Variants in OXR1 observed in about 807,000 individuals in gnomAD.
OXR1 encodes the protein oxidation resistance protein 1.
Under a neutral mutation model 104.6 loss-of-function variants are expected in OXR1, and 41 were observed. That is an observed-to-expected ratio of 0.39 (90% CI 0.31 to 0.51). OXR1 has a LOEUF of 0.51. OXR1 is among the 20% of genes least tolerant of loss of function. The pLI, the probability that OXR1 is intolerant of heterozygous loss-of-function variation, is 0.77. For missense variants in OXR1, 955 were observed against 1,031.9 expected (o/e 0.93, Z 1.02); for synonymous variants, 348 against 348.4 (o/e 1.00, Z 0.01).
At chr8:106,684,174 T>A in intron 5 of OXR1, 72 bp from the exon 6 acceptor site, 1 of 715,994 alleles carries the variant, frequency 1.4e-6, no homozygotes, top group Middle Eastern at 2.5e-4. Context: ...TTAATAGTGC[T>A]TGCTTATAGA....
At chr8:106,593,209 G>T (rs1397845897) in intron 3 of OXR1, among the ~76,000 whole-genome samples, 1 of 152,080 alleles carries the variant, frequency 6.6e-6, no homozygotes, top group African/African-American at 2.4e-5. Context: ...GAGATCAAGG[G>T]CTAGGACTTT....
At chr8:106,403,275 G>A (rs1379944050) in intron 2 of OXR1, among the ~76,000 whole-genome samples, 2 of 152,186 alleles carry the variant, frequency 1.3e-5, no homozygotes, top group Admixed American at 6.5e-5. Context: ...AATACCACAG[G>A]TCTACAAGAC....
Position 106,303,419 on chromosome 8 carries a change from T to C in OXR1, c.-139+33052T>C, listed in dbSNP as rs559910448. On this transcript the variant is annotated intron_variant, in intron 1 of 16. Transcript: ENST00000517566. ...ACGCCCGGCTAATTTTTTGTATTTT[T>C]AGTAGAGACGGGGTTTCACTGTGTT... Among the ~76,000 whole-genome samples, 46 of 151,288 alleles carry C rather than the reference T, an allele frequency of 3.0e-4. No individual in the cohort carries two copies. In the South Asian group the frequency reaches 9.0e-3, roughly 30 times the overall value.
intron 7 of OXR1, among the ~76,000 whole-genome samples, chr8:106,695,635 G>T (rs1198892470): frequency 6.6e-6 from 1 of 152,004 alleles, no homozygotes; most frequent in African/African-American, 2.4e-5. Flanking sequence ...GGCCAGGCTG[G>T]TCTCGAACTG....
At chr8:106,427,810 G>A (rs7015711) in intron 2 of OXR1, among the ~76,000 whole-genome samples, 80,524 of 151,958 alleles carry the variant, frequency 0.53, 24,416 homozygotes, top group African/African-American at 0.83. Flanking sequence ...ATAAACAGTC[G>A]GACACCTGGG....
chr8:106,554,351 G>A (rs544030229), intron 3 of OXR1, among the ~76,000 whole-genome samples: 27 of 152,034 alleles, frequency 1.8e-4, no homozygotes, highest in Non-Finnish European at 3.1e-4. Flanking sequence ...GTTTTTTTCC[G>A]CAAGGGATTT....
At chr8:106,328,530 G>A (rs988470083) in intron 1 of OXR1, among the ~76,000 whole-genome samples, 2 of 152,076 alleles carry the variant, frequency 1.3e-5, no homozygotes, top group South Asian at 2.1e-4. Context: ...AAGCAAAGGC[G>A]GTCCTGCTGT....
chr8:106,309,579 T>C (rs1813611662), intron 1 of OXR1, among the ~76,000 whole-genome samples: 1 of 151,924 alleles, frequency 6.6e-6, no homozygotes. Flanking sequence ...TATTGAAGAC[T>C]TTTCTGCCTG....
chr8:106,475,257 A>G (rs183069514), intron 2 of OXR1, among the ~76,000 whole-genome samples: 134 of 152,088 alleles, frequency 8.8e-4, no homozygotes, highest in African/African-American at 3.1e-3. Context: ...TTTGTACATT[A>G]TATGTATTAT....
At chr8:106,707,539 G>A (rs1370774048) in intron 9 of OXR1, 1 of 316,070 alleles carries the variant, frequency 3.2e-6, no homozygotes, top group Non-Finnish European at 5.7e-6. Context: ...AATTGCCAAA[G>A]TTGTAATCCC....
chr8:106,709,751 A>G (rs1587187817), intron 9 of OXR1, among the ~76,000 whole-genome samples: 1 of 148,652 alleles, frequency 6.7e-6, no homozygotes, highest in East Asian at 1.9e-4. Context: ...GTTACTTAAT[A>G]TTCTGTAATA....
At chr8:106,304,213 A>AT (rs1813382605) in intron 1 of OXR1, among the ~76,000 whole-genome samples, 2 of 152,138 alleles carry the variant, frequency 1.3e-5, no homozygotes, top group Non-Finnish European at 2.9e-5. Context: ...ATATTTATTT[A>AT]TTTTTTTAAA....
At chr8:106,595,973 T>C (rs1438347440) in intron 3 of OXR1, among the ~76,000 whole-genome samples, 1 of 152,182 alleles carries the variant, frequency 6.6e-6, no homozygotes, top group African/African-American at 2.4e-5. Context: ...TTCTAAATAT[T>C]TCTTCCTTCT....
At chr8:106,728,217 GAA>G (rs1164061309) in intron 11 of OXR1, among the ~76,000 whole-genome samples, 115 of 85,792 alleles carry the variant, frequency 1.3e-3, no homozygotes, top group African/African-American at 3.4e-3. Context: ...TTCTAAACTG[GAA>G]AAAAAAAAAA....
chr8:106,501,673 A>G (rs1811817815), intron 2 of OXR1, among the ~76,000 whole-genome samples: 1 of 152,174 alleles, frequency 6.6e-6, no homozygotes, highest in African/African-American at 2.4e-5. Context: ...CCTCTGCAGA[A>G]CAAAATCCTT....
chr8:106,632,360 A>T (rs1362369945), intron 3 of OXR1, among the ~76,000 whole-genome samples: 1 of 152,198 alleles, frequency 6.6e-6, no homozygotes, highest in Non-Finnish European at 1.5e-5. Context: ...CTAAAATCTG[A>T]ACATGTTTTA....
intron 3 of OXR1, among the ~76,000 whole-genome samples, chr8:106,635,592 G>A (rs757046315): frequency 8.6e-5 from 13 of 151,964 alleles, no homozygotes; most frequent in Non-Finnish European, 1.6e-4. Flanking sequence ...TTACAGGCAT[G>A]CACCACCACA....
chr8:106,645,103 A>C (rs1476433504), intron 3 of OXR1, among the ~76,000 whole-genome samples: 6 of 152,094 alleles, frequency 3.9e-5, no homozygotes, highest in Admixed American at 3.9e-4. Flanking sequence ...TTTACTACAT[A>C]ATGTATAGGC....
chr8:106,301,142 G>T (rs1461175801), intron 1 of OXR1, among the ~76,000 whole-genome samples: 5 of 152,104 alleles, frequency 3.3e-5, no homozygotes, highest in African/African-American at 9.7e-5. Flanking sequence ...CTGTAAAATT[G>T]CCCCAGAATA....
Sources: allele counts gnomAD v4.1 joint callset (sites outside exome capture counted in the v4.1 genomes callset), GRCh38; gene constraint gnomAD v4.1.1; transcripts MANE v1.5; gene names NCBI Gene and HGNC (gene_info 2026-07-23, HGNC 2026-07-21).